The following SMOC1 variants were observed in gnomAD, a reference collection of about 807,000 sequenced individuals.
The protein encoded by SMOC1 is SPARC-related modular calcium-binding protein 1.
A neutral mutation model predicts 56.3 loss-of-function variants in SMOC1; 22 were observed. The ratio of observed to expected loss-of-function variants is 0.39; its 90% CI spans 0.28 to 0.56. SMOC1 has a LOEUF of 0.56. Among genes scored for constraint, SMOC1 ranks in the 20% least tolerant of loss-of-function variants. SMOC1 has a pLI of 0.61. For missense variants in SMOC1, 509 were observed against 565.4 expected (o/e 0.90, Z 1.01); for synonymous variants, 193 against 215.0 (o/e 0.90, Z 0.89).
intron 1 of SMOC1, among the ~76,000 whole-genome samples, chr14:69,935,417 C>T: frequency 6.6e-6 from 1 of 152,204 alleles, no homozygotes; most frequent in East Asian, 1.9e-4. Context: ...ATCCTTAGCC[C>T]TATCTTTTTG....
chr14:69,942,985 C>G (rs1159897138), intron 1 of SMOC1, among the ~76,000 whole-genome samples: 1 of 152,154 alleles, frequency 6.6e-6, no homozygotes, highest in Non-Finnish European at 1.5e-5. Context: ...TGGGCCCTGG[C>G]CCATCATCCC....
At chr14:69,978,371 C>G (rs1433434942) in intron 5 of SMOC1, among the ~76,000 whole-genome samples, 1 of 152,182 alleles carries the variant, frequency 6.6e-6, no homozygotes, top group South Asian at 2.1e-4. Context: ...ATTTTTCCCC[C>G]CTCGCTGATG....
chr14:69,994,967 A>G (rs1370656809), intron 7 of SMOC1, among the ~76,000 whole-genome samples: 1 of 152,162 alleles, frequency 6.6e-6, no homozygotes, highest in African/African-American at 2.4e-5. Flanking sequence ...GGGTGATCAT[A>G]TTTGTAGGAT....
At chr14:69,886,219 C>T in intron 1 of SMOC1, 1 of 717,474 alleles carries the variant, frequency 1.4e-6, no homozygotes, top group Non-Finnish European at 2.4e-6. Context: ...TATTAATCCT[C>T]CTGCAGTGAG....
rs1883344189 is a variant in SMOC1, at chr14:69,960,847, A to G, written c.378+7315A>G. Among the ~76,000 whole-genome samples the G allele has an allele frequency of 4.6e-5, 7 of 152,256 alleles. No individual in the cohort carries two copies. In the South Asian group the frequency reaches 1.5e-3, roughly 32 times the overall value. Reference sequence around the variant, plus strand: ...GAGTTGAACTCGTTCAGAGGTTGGCAAACTGTGGTCTGTGGACCGGCCACC... The same window carrying G: ...GAGTTGAACTCGTTCAGAGGTTGGCGAACTGTGGTCTGTGGACCGGCCACC... On this transcript the variant is annotated intron_variant, in intron 3 of 11. Coordinates refer to ENST00000361956, the MANE Select transcript of SMOC1 (RefSeq NM_001034852.3).
At chr14:69,900,586 A>G (rs932207575) in intron 1 of SMOC1, among the ~76,000 whole-genome samples, 1 of 152,212 alleles carries the variant, frequency 6.6e-6, no homozygotes, top group African/African-American at 2.4e-5. Flanking sequence ...ATCCCATTTT[A>G]CAGAGGAGAA....
intron 7 of SMOC1, among the ~76,000 whole-genome samples, chr14:70,003,215 A>G (rs979655272): frequency 5.9e-5 from 9 of 152,150 alleles, no homozygotes; most frequent in African/African-American, 2.2e-4. Flanking sequence ...GAAGTATTTG[A>G]TGGGGTTTCA....
intron 10 of SMOC1, among the ~76,000 whole-genome samples, chr14:70,021,708 CT>C (rs910336245): frequency 1.4e-4 from 21 of 151,748 alleles, no homozygotes; most frequent in African/African-American, 3.6e-4. Context: ...GGATGACTGG[CT>C]TTTTTTCCCC....
intron 1 of SMOC1, among the ~76,000 whole-genome samples, chr14:69,945,978 G>A (rs1882766938): frequency 6.6e-6 from 1 of 152,176 alleles, no homozygotes. Context: ...ATACTAACAG[G>A]TGGAAGTTAA....
At chr14:69,988,930 C>T (rs1436248534) in intron 5 of SMOC1, among the ~76,000 whole-genome samples, 1 of 152,172 alleles carries the variant, frequency 6.6e-6, no homozygotes, top group Non-Finnish European at 1.5e-5. Context: ...GGATATATCA[C>T]AATTTATTCA....
intron 1 of SMOC1, among the ~76,000 whole-genome samples, chr14:69,912,869 G>C (rs1393614153): frequency 6.6e-6 from 1 of 152,154 alleles, no homozygotes; most frequent in Non-Finnish European, 1.5e-5. Context: ...GCTACTTTCT[G>C]CTTAGGAGAA....
At chr14:70,016,162 G>A (rs545186869) in intron 10 of SMOC1, among the ~76,000 whole-genome samples, 7 of 152,320 alleles carry the variant, frequency 4.6e-5, no homozygotes, top group African/African-American at 1.7e-4. Context: ...GCTGCCAGGG[G>A]AAGGTAGGAT....
chr14:70,008,941 A>G (rs1885239126), intron 7 of SMOC1, among the ~76,000 whole-genome samples: 1 of 152,168 alleles, frequency 6.6e-6, no homozygotes, highest in African/African-American at 2.4e-5. Context: ...AAAATGCTGG[A>G]TCTTTAAAGC....
intron 10 of SMOC1, among the ~76,000 whole-genome samples, chr14:70,022,008 C>A (rs1211122679): frequency 6.6e-6 from 1 of 152,154 alleles, no homozygotes; most frequent in Non-Finnish European, 1.5e-5. Context: ...TGCTCTGTCC[C>A]AGCGCCCTGC....
At chr14:69,948,887 G>A (rs1300714500) in intron 1 of SMOC1, among the ~76,000 whole-genome samples, 1 of 152,180 alleles carries the variant, frequency 6.6e-6, no homozygotes, top group Non-Finnish European at 1.5e-5. Flanking sequence ...AACAGCATGT[G>A]GGTGCTGTTG....
intron 1 of SMOC1, among the ~76,000 whole-genome samples, chr14:69,905,465 A>T (rs146872759): frequency 6.6e-6 from 1 of 152,212 alleles, no homozygotes; most frequent in Non-Finnish European, 1.5e-5. Context: ...AGGAACGTCA[A>T]CTTGGTGCTG....
chr14:69,920,602 G>A (rs1050954337), intron 1 of SMOC1, among the ~76,000 whole-genome samples: 3 of 152,206 alleles, frequency 2.0e-5, no homozygotes, highest in Admixed American at 2.0e-4. Flanking sequence ...CAGACACAGC[G>A]CCAGGTAAGG....
At chr14:70,012,086 G>A (rs751800306) in intron 9 of SMOC1, among the ~76,000 whole-genome samples, 4 of 152,232 alleles carry the variant, frequency 2.6e-5, no homozygotes, top group Non-Finnish European at 4.4e-5. Flanking sequence ...CTGCCTGCAA[G>A]TTACAGTAAC....
intron 1 of SMOC1, among the ~76,000 whole-genome samples, chr14:69,881,782 T>A (rs1566659092): frequency 6.6e-6 from 1 of 152,148 alleles, no homozygotes; most frequent in Non-Finnish European, 1.5e-5. Flanking sequence ...TAGATAACAA[T>A]AAGAGCTACC....
Sources: gnomAD v4.1 joint callset for allele counts (sites outside exome capture counted in the v4.1 genomes callset) on GRCh38, gnomAD v4.1.1 for gene constraint, MANE v1.5 for transcripts, NCBI Gene and HGNC (gene_info 2026-07-23, HGNC 2026-07-21) for gene names.